Variants in SYAP1 observed in about 807,000 individuals in gnomAD.
The protein encoded by SYAP1 is synapse associated protein 1, also known as synapse-associated protein 1.
In SYAP1, 3 loss-of-function variants were observed where a neutral mutation model predicts 29.6. The ratio of observed to expected loss-of-function variants is 0.10; its 90% CI spans 0.05 to 0.26. The LOEUF (loss-of-function observed/expected upper bound fraction) is 0.26, where lower values mean the gene tolerates loss of function less well. SYAP1 is among the 10% of genes least tolerant of loss of function. SYAP1 has a pLI of 1.00. For missense variants in SYAP1, 217 were observed against 264.1 expected, an observed-to-expected ratio of 0.82 and a Z score of 1.24; for synonymous variants, 102 against 102.7, an observed-to-expected ratio of 0.99 and a Z score of 0.04.
At position 16,764,203 on chromosome X, in the gene SYAP1, G is replaced by A. The variant is rs1307044811; in HGVS notation, c.*3844G>A. ...ATGGCTTTTTGGTATTAAAAACCAG[G>A]ACTCTGAATGTGCATCAATAATTCA... On this transcript the variant is annotated 3_prime_UTR_variant, in exon 9 of 9. Coordinates refer to ENST00000380155, the MANE Select transcript of SYAP1 (RefSeq NM_032796.4). 9.0e-6 allele frequency: 1 copy of A among 110,565 alleles called. No individual in the cohort carries two copies. Among genetic ancestry groups the A allele is most frequent in the Non-Finnish European group, 1.9e-5 (1 of 52,837 alleles). The allele number at this position is 110,565 out of a possible 1,213,427, so 9.1% of individuals were successfully genotyped here. A position where few individuals can be genotyped will look rare whatever the true frequency, so the allele number is the denominator to read the frequency against.
chrX:16,733,512 G>A (rs1344740288), intron 1 of SYAP1, among the ~76,000 whole-genome samples: 2 of 111,085 alleles, frequency 1.8e-5, no homozygotes, highest in African/African-American at 3.3e-5. Context: ...AGGCAAGACC[G>A]CCCTAATGTG....
At chrX:16,749,783 G>A (rs758688587) in intron 5 of SYAP1, among the ~76,000 whole-genome samples, 2 of 109,535 alleles carry the variant, frequency 1.8e-5, no homozygotes, top group South Asian at 4.0e-4. Context: ...GGGTGGTGGC[G>A]TGTGCCTGTA....
chrX:16,749,952 A>C (rs1300643151), intron 5 of SYAP1, among the ~76,000 whole-genome samples: 1 of 109,047 alleles, frequency 9.2e-6, no homozygotes, highest in Admixed American at 9.9e-5. Context: ...ATATTTAGGC[A>C]GCCTACTACC....
chrX:16,744,650 G>C (rs758366982), intron 5 of SYAP1, among the ~76,000 whole-genome samples: 1 of 111,711 alleles, frequency 9.0e-6, no homozygotes, highest in African/African-American at 3.2e-5. Context: ...GGGCAACATA[G>C]CAAGACCACC....
In SYAP1 at chrX:16,719,770, G is replaced by A; in HGVS notation, c.46G>A (p.Ala16Thr). 1 of 1,205,154 alleles carries A rather than the reference G, an allele frequency of 8.3e-7. No individual in the cohort carries two copies. Among genetic ancestry groups the A allele is most frequent in the Admixed American group, 2.2e-5 (1 of 45,443 alleles). Residue 16 changes from alanine (A) to threonine (T), a missense_variant, in exon 1 of 9, where the codon GCA (alanine) becomes ACA (threonine). By Grantham distance (58) the Ala-to-Thr change is moderately conservative (BLOSUM62 0). Coordinates refer to ENST00000380155, the MANE Select transcript of SYAP1 (RefSeq NM_032796.4). ...SSWLGLQQPV[A>T]GGGQPNGDAP... ...TTGGTTGGGCTTGCAGCAGCCGGTG[G>A]CAGGCGGTGGGCAGCCCAATGGAGA...
intron 8 of SYAP1, among the ~76,000 whole-genome samples, chrX:16,758,980 G>A (rs1345213004): frequency 5.7e-5 from 6 of 104,612 alleles, no homozygotes; most frequent in South Asian, 4.4e-4. Context: ...TCAGGAGATC[G>A]AGACCATCCT....
At chrX:16,757,961 G>A (rs894671371) in intron 8 of SYAP1, among the ~76,000 whole-genome samples, 5 of 110,687 alleles carry the variant, frequency 4.5e-5, no homozygotes, top group African/African-American at 1.7e-4. Flanking sequence ...CTCCTTGACT[G>A]TAGACATGTA....
In SYAP1 at chrX:16,719,842, G is replaced by A. The variant is rs1213923569; in HGVS notation, c.118G>A (p.Glu40Lys). 1 of 1,196,117 alleles carries A rather than the reference G, an allele frequency of 8.4e-7. No homozygotes were observed. The highest frequency in any genetic ancestry group is 1.1e-6 in the Non-Finnish European group (1 of 888,569). Residue 40 changes from glutamate (E) to lysine (K), a missense_variant, in exon 1 of 9, where the codon GAG (glutamate) becomes AAG (lysine). By Grantham distance (56) the Glu-to-Lys change is moderately conservative. Coordinates refer to ENST00000380155, the MANE Select transcript of SYAP1 (RefSeq NM_032796.4). Reference protein sequence around the residue: ...PSETVAESAEEELQQAGDQEL... With the variant: ...PSETVAESAEKELQQAGDQEL... ...CGAGACGGTGGCTGAGTCTGCGGAG[G>A]AGGAGCTGCAGCAAGCGGGAGACCA...
chrX:16,727,921 A>G (rs1332374592), intron 1 of SYAP1, among the ~76,000 whole-genome samples: 1 of 112,336 alleles, frequency 8.9e-6, no homozygotes, highest in Non-Finnish European at 1.9e-5. Flanking sequence ...TAAAATAACA[A>G]GTTTTTCCAG....
intron 3 of SYAP1, 145 bp downstream of exon 3, chrX:16,736,377 A>G (rs929937856): frequency 2.4e-6 from 1 of 413,829 alleles, no homozygotes; most frequent in African/African-American, 2.5e-5. Flanking sequence ...AGTGAGGGAG[A>G]CAAACCCATA....
intron 8 of SYAP1, among the ~76,000 whole-genome samples, chrX:16,759,804 G>A (rs1336594392): frequency 8.9e-6 from 1 of 112,261 alleles, no homozygotes; most frequent in African/African-American, 3.2e-5. Context: ...GGTGAAAAGC[G>A]TGATACATAG....
chrX:16,744,210 C>T (rs1926543206), intron 5 of SYAP1, among the ~76,000 whole-genome samples: 1 of 112,565 alleles, frequency 8.9e-6, no homozygotes, highest in Admixed American at 9.5e-5. Context: ...TGTTCCTGCT[C>T]TCTTTGCTAA....
At chrX:16,725,491 A>C (rs373991551) in intron 1 of SYAP1, among the ~76,000 whole-genome samples, 5 of 112,150 alleles carry the variant, frequency 4.5e-5, no homozygotes, top group Non-Finnish European at 5.6e-5. Context: ...TATAAAAAAT[A>C]AAAATCAAAA....
chrX:16,739,587 C>G (rs112170340), intron 3 of SYAP1, among the ~76,000 whole-genome samples: 5,880 of 106,286 alleles, frequency 0.055, 391 homozygotes, highest in African/African-American at 0.2. Context: ...AGCAATTCTC[C>G]TGTTTCGGCC....
At chrX:16,757,133 A>G in intron 7 of SYAP1, 29 bp from the exon 8 acceptor site, 1 of 1,207,553 alleles carries the variant, frequency 8.3e-7, no homozygotes, top group Non-Finnish European at 1.1e-6. Flanking sequence ...TTAGCAAACC[A>G]TTTCAAGAGC....
intron 5 of SYAP1, among the ~76,000 whole-genome samples, chrX:16,744,992 A>G (rs1926564768): frequency 8.9e-6 from 1 of 111,893 alleles, no homozygotes; most frequent in Non-Finnish European, 1.9e-5. Context: ...TCCTTTTTCT[A>G]TGCTGTTTCC....
chrX:16,738,370 G>T (rs1044843702), intron 3 of SYAP1, among the ~76,000 whole-genome samples: 1 of 111,663 alleles, frequency 9.0e-6, no homozygotes, highest in African/African-American at 3.3e-5. Context: ...AACCGCGATT[G>T]TGCCGCTACA....
chrX:16,749,184 T>C (rs1926674644), intron 5 of SYAP1, among the ~76,000 whole-genome samples: 1 of 111,157 alleles, frequency 9.0e-6, no homozygotes, highest in African/African-American at 3.3e-5. Flanking sequence ...TCCCTATGAA[T>C]AGCTGGGATT....
rs980351605 is a variant in SYAP1, at chrX:16,762,001, A to G, written c.*1642A>G. The stretch of plus-strand genomic sequence containing the variant: ...CAACTGGAGTCTCTTGGGTTATAGC[A>G]GTAAACCCGTGTATTCCATGAAACC... On this transcript the variant is annotated 3_prime_UTR_variant, in exon 9 of 9. Coordinates refer to ENST00000380155, the MANE Select transcript of SYAP1 (RefSeq NM_032796.4). The G allele has an allele frequency of 1.8e-5, 2 of 111,798 alleles. No homozygotes were observed. The highest frequency in any genetic ancestry group is 6.5e-5 in the African/African-American group (2 of 30,778). The allele number at this position is 111,798 out of a possible 1,213,427, so 9.2% of individuals were successfully genotyped here.
Sources: gnomAD v4.1 joint callset for allele counts (sites outside exome capture counted in the v4.1 genomes callset) on GRCh38, gnomAD v4.1.1 for gene constraint, MANE v1.5 for transcripts, NCBI Gene and HGNC (gene_info 2026-07-23, HGNC 2026-07-21) for gene names.